UBE3A: variants seen among roughly 807,000 people sequenced by gnomAD.
The protein encoded by UBE3A is ubiquitin protein ligase E3A.
In UBE3A, 6 loss-of-function variants were observed where a neutral mutation model predicts 83.4. The observed-to-expected ratio is 0.07, with a 90% confidence interval of 0.04 to 0.14. The LOEUF (loss-of-function observed/expected upper bound fraction) is 0.14. Among genes scored for constraint, UBE3A ranks in the 10% least tolerant of loss-of-function variants. The pLI is 1.00. For missense variants in UBE3A, 456 were observed against 1,036.1 expected, an observed-to-expected ratio of 0.44 and a Z score of 7.69; for synonymous variants, 337 against 355.4, an observed-to-expected ratio of 0.95 and a Z score of 0.58.
In UBE3A at chr15:25,367,181, AAATATGTAAATATTTACATATTTG is replaced by A. The variant is rs1479648836; in HGVS notation, c.1608+3361_1608+3384del. On this transcript the variant is annotated intron_variant, in intron 6 of 12. Coordinates refer to ENST00000648336, the MANE Select transcript of UBE3A (RefSeq NM_130839.5). ...CAAATGGGTATATTTACATATTTGT[AAATATGTAAATATTTACATATTTG>A]TAAATATGTAAATATTTACATATTT... Among the ~76,000 whole-genome samples the A allele has an allele frequency of 9.6e-5, 10 of 103,738 alleles. 1 individual carries two copies. Among genetic ancestry groups the A allele is most frequent in the Non-Finnish European group, 1.9e-5 (1 of 52,148 alleles). The allele number at this position is 103,738 out of a possible 152,430, so 68.1% of individuals were successfully genotyped here. A position where few individuals can be genotyped will look rare whatever the true frequency, so the allele number is the denominator to read the frequency against.
At chr15:25,346,944 T>G (rs1019540982) in intron 11 of UBE3A, 2 of 152,152 alleles carry the variant, frequency 1.3e-5, no homozygotes, top group Non-Finnish European at 2.9e-5. Context: ...GTTGAAAATT[T>G]TCCATGTTTG....
At chr15:25,342,795 C>T (rs2075065167) in intron 11 of UBE3A, among the ~76,000 whole-genome samples, 1 of 152,044 alleles carries the variant, frequency 6.6e-6, no homozygotes, top group Admixed American at 6.6e-5. Context: ...TCACCCAAGG[C>T]CAGACCCCAC....
At chr15:25,415,849 G>GAAAAAAAAA (rs57736236) in intron 1 of UBE3A, 3 of 111,180 alleles carry the variant, frequency 2.7e-5, no homozygotes, top group African/African-American at 3.5e-5. Flanking sequence ...CCCTCTACAA[G>GAAAAAAAAA]AAAAAAAAAA....
chr15:25,422,221 T>C (rs1890038053), intron 1 of UBE3A, among the ~76,000 whole-genome samples: 3 of 152,142 alleles, frequency 2.0e-5, no homozygotes, highest in Admixed American at 1.3e-4. Context: ...TATGCAATTC[T>C]AGAGTAGGAA....
At position 25,337,975 on chromosome 15, in the gene UBE3A, G is replaced by GTAA. The variant is rs1447996271; in HGVS notation, c.*1159_*1161dup. The GTAA allele has an allele frequency of 6.6e-6, 1 of 152,004 alleles. No homozygotes were observed. Among genetic ancestry groups the GTAA allele is most frequent in the African/African-American group, 2.4e-5 (1 of 41,382 alleles). 9.4% of individuals were successfully genotyped at this position (152,004 alleles called of 1,614,324 possible). On this transcript the variant is annotated 3_prime_UTR_variant, in exon 13 of 13. Coordinates refer to ENST00000648336, the MANE Select transcript of UBE3A (RefSeq NM_130839.5). The stretch of plus-strand genomic sequence containing the variant: ...AATTTAATCTGTGGGGCTATACAAT[G>GTAA]TAATTCTTAGGAGTAATAGTTTCAT...
chr15:25,423,891 C>T (rs1890552574), intron 1 of UBE3A, among the ~76,000 whole-genome samples: 1 of 152,156 alleles, frequency 6.6e-6, no homozygotes, highest in South Asian at 2.1e-4. Context: ...CCTATGGACT[C>T]TATTTCAACA....
At chr15:25,386,815 C>A (rs1595982289) in intron 4 of UBE3A, among the ~76,000 whole-genome samples, 1 of 151,258 alleles carries the variant, frequency 6.6e-6, no homozygotes, top group East Asian at 1.9e-4. Flanking sequence ...GAAAAAAAAA[C>A]CATAAACCTA....
Position 25,409,154 on chromosome 15 carries a change from A to G in UBE3A, c.-47T>C, listed in dbSNP as rs1200408256. 1 of 1,582,556 alleles carries G rather than the reference A, an allele frequency of 6.3e-7. No homozygotes were observed. Among genetic ancestry groups the G allele is most frequent in the East Asian group, 2.2e-5 (1 of 44,498 alleles). On this transcript the variant is annotated 5_prime_UTR_variant, in exon 3 of 13. Coordinates refer to ENST00000648336, the MANE Select transcript of UBE3A (RefSeq NM_130839.5). ...CAGCTTTGAGTCACTGATTAAAAACAGGTTGTCACACCAGTCTAGCTGCTA... is the reference window on the plus strand; with the variant it reads ...CAGCTTTGAGTCACTGATTAAAAACGGGTTGTCACACCAGTCTAGCTGCTA...
rs573918237 is a variant in UBE3A at position 25,410,947 on chromosome 15, T to C, written c.-101+961A>G. Among the ~76,000 whole-genome samples, 32 of 151,232 alleles carry C rather than the reference T, an allele frequency of 2.1e-4. No individual in the cohort carries two copies. The East Asian group carries it at 4.0e-3, about 19-fold the overall frequency. On this transcript the variant is annotated intron_variant, in intron 2 of 12. Coordinates refer to ENST00000648336, the MANE Select transcript of UBE3A (RefSeq NM_130839.5). Reference sequence around the variant, plus strand: ...TGTGGAATTAGAAGATTCAAACAAGTCTAACTTTCCATCTTGTAAACACAA... The same window carrying C: ...TGTGGAATTAGAAGATTCAAACAAGCCTAACTTTCCATCTTGTAAACACAA...
At chr15:25,353,806 A>G (rs947093852) in intron 11 of UBE3A, among the ~76,000 whole-genome samples, 1 of 152,198 alleles carries the variant, frequency 6.6e-6, no homozygotes, top group African/African-American at 2.4e-5. Context: ...AGTAGACAGT[A>G]GAGTAGTAAG....
In UBE3A at chr15:25,336,857, G is replaced by A. The variant is rs2073985707; in HGVS notation, c.*2280C>T. 6.6e-6 allele frequency: 1 copy of A among 151,958 alleles called. No homozygotes were observed. Among genetic ancestry groups the A allele is most frequent in the Admixed American group, 6.5e-5 (1 of 15,272 alleles). 9.4% of individuals were successfully genotyped at this position (151,958 alleles called of 1,614,324 possible). A position where few individuals can be genotyped will look rare whatever the true frequency, so the allele number is the denominator to read the frequency against. ...AACCAAAATATATAATAGAGTACCT[G>A]GGCAAAAAAAGTACTTTTATAACAT... On this transcript the variant is annotated 3_prime_UTR_variant, in exon 13 of 13. Coordinates refer to ENST00000648336, the MANE Select transcript of UBE3A (RefSeq NM_130839.5).
intron 4 of UBE3A, among the ~76,000 whole-genome samples, chr15:25,382,258 T>G (rs2082301208): frequency 6.6e-6 from 1 of 151,992 alleles, no homozygotes; most frequent in South Asian, 2.1e-4. Flanking sequence ...GAGGCGGAGC[T>G]TGCAGTGAGC....
intron 11 of UBE3A, among the ~76,000 whole-genome samples, chr15:25,344,292 C>T (rs1052066801): frequency 1.3e-5 from 2 of 152,106 alleles, no homozygotes; most frequent in African/African-American, 4.8e-5. Flanking sequence ...TGGAAAACAC[C>T]TCTGCAATAA....
intron 4 of UBE3A, among the ~76,000 whole-genome samples, chr15:25,378,867 G>A (rs2081673134): frequency 6.6e-6 from 1 of 152,130 alleles, no homozygotes; most frequent in Non-Finnish European, 1.5e-5. Context: ...CAAGTTTCTT[G>A]AGGAAATGGA....
At chr15:25,432,671 T>C (rs1183152278) in intron 1 of UBE3A, among the ~76,000 whole-genome samples, 4 of 152,190 alleles carry the variant, frequency 2.6e-5, no homozygotes, top group African/African-American at 2.4e-5. Flanking sequence ...CTAACCTCAA[T>C]TGATCCTGAG....
chr15:25,427,011 C>A (rs774778434), intron 1 of UBE3A, among the ~76,000 whole-genome samples: 7 of 151,914 alleles, frequency 4.6e-5, no homozygotes, highest in Non-Finnish European at 1.0e-4. Flanking sequence ...GTCTCCAATT[C>A]GTGGCCTCAA....
rs114569878 is a variant in UBE3A, at chr15:25,382,147, T to A, written c.63-6384A>T. On this transcript the variant is annotated intron_variant, in intron 4 of 12. Coordinates refer to ENST00000648336, the MANE Select transcript of UBE3A (RefSeq NM_130839.5). ...TCCTGGCTAACATGGTGAAACTACG[T>A]CCCTACTAAAAATACAAAAAAAAAT... is the stretch of plus-strand genomic sequence containing the variant. 7.7e-3 allele frequency among the ~76,000 whole-genome samples: 1,165 copies of A among 151,982 alleles called. 10 individuals are homozygous for A. Among genetic ancestry groups the A allele is most frequent in the African/African-American group, 0.027 (1,113 of 41,488 alleles).
intron 12 of UBE3A, 23 bp from the exon 13 acceptor site, chr15:25,339,280 A>C (rs1317399845): frequency 6.2e-7 from 1 of 1,609,702 alleles, no homozygotes; most frequent in Admixed American, 1.7e-5. Flanking sequence ...AAGGGGAAAA[A>C]AACAGGAAAA....
intron 4 of UBE3A, among the ~76,000 whole-genome samples, chr15:25,390,275 C>G (rs200698189): frequency 6.6e-6 from 1 of 152,100 alleles, no homozygotes; most frequent in East Asian, 1.9e-4. Context: ...CCATAAGATC[C>G]AGCAATTGCA....
Sources: allele counts gnomAD v4.1 joint callset (sites outside exome capture counted in the v4.1 genomes callset), GRCh38; gene constraint gnomAD v4.1.1; transcripts MANE v1.5; gene names NCBI Gene and HGNC (gene_info 2026-07-23, HGNC 2026-07-21).